Variants in EVPLL observed in about 807,000 individuals in gnomAD.
EVPLL encodes envoplakin like, also known as envoplakin-like protein.
EVPLL carries 39 observed loss-of-function variants against 46.2 expected under a neutral mutation model. That is an observed-to-expected ratio of 0.84 (90% confidence interval 0.65 to 1.10). The LOEUF is 1.10. Among genes scored for constraint, EVPLL ranks in the 50% least tolerant of loss-of-function variants. EVPLL has a pLI of 0.00. For missense variants in EVPLL, 385 were observed against 412.6 expected (o/e 0.93, Z 0.58); for synonymous variants, 156 against 165.8 (o/e 0.94, Z 0.46).
chr17:18,381,202 T>C lies in EVPLL; in HGVS notation c.64-165T>C. ...TTTGCTGGGCTCCCCTGTGTCTTTG[T>C]CACCTGCCTCATGGACGCCCTGGGC... On this transcript the variant is annotated intron_variant, in intron 2 of 10. Transcript: ENST00000399134. This position sits in a 1 kb window ranked among gnomAD's most constrained non-coding sequence, Gnocchi z 4.2. 1 of 1,285,066 alleles carries C rather than the reference T, an allele frequency of 7.8e-7. No individual in the cohort carries two copies. The highest frequency in any genetic ancestry group is 1.1e-6 in the Non-Finnish European group (1 of 949,604). The allele number at this position is 1,285,066 out of a possible 1,614,324, so 79.6% of individuals were successfully genotyped here.
chr17:18,381,568 G>A lies in EVPLL; in HGVS notation c.219-35G>A, dbSNP rs1987575587. On this transcript the variant is annotated intron_variant, in intron 3 of 10. Transcript: ENST00000399134. The surrounding 1 kb of genome is among the most constrained non-coding windows in gnomAD (Gnocchi z 4.2). Reference sequence around the variant, plus strand: ...CTGGGGGTCCCTGGGGAAGACCCAGGCCCAGCCCTGACCTGCTGGCCACCT... The same window carrying A: ...CTGGGGGTCCCTGGGGAAGACCCAGACCCAGCCCTGACCTGCTGGCCACCT... The A allele has an allele frequency of 1.9e-6, 3 of 1,613,812 alleles. No individual in the cohort carries two copies. The East Asian group carries it at 6.7e-5, about 36-fold the overall frequency.
Position 18,389,639 on chromosome 17 carries a change from T to G in EVPLL, c.*823T>G, listed in dbSNP as rs1486049866. On this transcript the variant is annotated 3_prime_UTR_variant, in exon 11 of 11. Transcript: ENST00000399134. The stretch of plus-strand genomic sequence containing the variant: ...AAATGATATGTAAATAAAGCTCAAT[T>G]TTTTGAAACTTCATGCCTTTTTGAA... 1.5e-5 allele frequency: 2 copies of G among 134,332 alleles called. No homozygotes were observed. Among genetic ancestry groups the G allele is most frequent in the Non-Finnish European group, 3.2e-5 (2 of 62,250 alleles). The allele number at this position is 134,332 out of a possible 1,614,324, so 8.3% of individuals were successfully genotyped here. A position where few individuals can be genotyped will look rare whatever the true frequency, so the allele number is the denominator to read the frequency against.
In EVPLL at chr17:18,382,448, A is replaced by G; in HGVS notation, c.347-65A>G. On this transcript the variant is annotated intron_variant, in intron 4 of 10. Transcript: ENST00000399134. ...CCAAGTCCACTTCTCCGGGTGGGAG[A>G]CGTGTGGGGTTCTCTGGCTCTCCAC... is the stretch of plus-strand genomic sequence containing the variant. 3 of 1,540,248 alleles carry G rather than the reference A, an allele frequency of 1.9e-6. No individual in the cohort carries two copies. The South Asian group carries it at 3.6e-5, about 18-fold the overall frequency.
intron 1 of EVPLL, among the ~76,000 whole-genome samples, chr17:18,379,369 G>A (rs1490188044): frequency 2.0e-5 from 3 of 152,244 alleles, no homozygotes; most frequent in Admixed American, 1.3e-4. Context: ...GAGTCTGGGC[G>A]TCTGGGCCGA....
At chr17:18,382,888 A>G (rs1567811477) in intron 6 of EVPLL, 24 bp downstream of exon 6, 1 of 1,611,104 alleles carries the variant, frequency 6.2e-7, no homozygotes, top group Non-Finnish European at 8.5e-7. Flanking sequence ...AGGGTCGGGC[A>G]GGGTGGCTGC....
Position 18,383,481 on chromosome 17 carries a change from G to C in EVPLL, c.781-11G>C, listed in dbSNP as rs1233338023. 1 of 1,565,398 alleles carries C rather than the reference G, an allele frequency of 6.4e-7. No homozygotes were observed. The highest frequency in any genetic ancestry group is 8.7e-7 in the Non-Finnish European group (1 of 1,155,256). On this transcript the variant is annotated splice_polypyrimidine_tract_variant and intron_variant, in intron 8 of 10. Coordinates refer to ENST00000399134, the MANE Select transcript of EVPLL (RefSeq NM_001145127.2). The stretch of plus-strand genomic sequence containing the variant: ...GGGCGTGGTCCGAGGGCTCCGTGCT[G>C]CGGTACCCAGGCCCACCAGGAGGCC...
rs995113635 is a variant in EVPLL, at chr17:18,381,333, G to A, written c.64-34G>A. ...GGGCAGCAGGGGTGTGGGGGCTCTG[G>A]ACCCTGGCAAGTCTGCCCATCCCCT... On this transcript the variant is annotated intron_variant, in intron 2 of 10. Transcript: ENST00000399134. The surrounding 1 kb of genome is among the most constrained non-coding windows in gnomAD (Gnocchi z 4.2). The A allele has an allele frequency of 2.6e-6, 4 of 1,522,910 alleles. No homozygotes were observed. Among genetic ancestry groups the A allele is most frequent in the Non-Finnish European group, 2.7e-6 (3 of 1,130,858 alleles). The allele number at this position is 1,522,910 out of a possible 1,614,324, so 94.3% of individuals were successfully genotyped here.
chr17:18,382,791 T>A (rs2151628907), intron 5 of EVPLL, 35 bp from the exon 6 acceptor site: 2 of 1,607,258 alleles, frequency 1.2e-6, no homozygotes, highest in Non-Finnish European at 1.7e-6. Flanking sequence ...GTGCCCCACC[T>A]CTCACGGGCT....
chr17:18,383,011 G>A lies in EVPLL; in HGVS notation c.512-14G>A, dbSNP rs754067971. 44 of 1,557,666 alleles carry A rather than the reference G, an allele frequency of 2.8e-5. No homozygotes were observed. The highest frequency in any genetic ancestry group is 1.8e-5 in the Non-Finnish European group (21 of 1,156,588). Reference sequence around the variant, plus strand: ...TCTCCCCACCCTGCTGCTGGCGGCGGGTCCTGAGCACAGAGGGCGGCGTCG... The same window carrying A: ...TCTCCCCACCCTGCTGCTGGCGGCGAGTCCTGAGCACAGAGGGCGGCGTCG... On this transcript the variant is annotated splice_polypyrimidine_tract_variant and intron_variant, in intron 6 of 10. Coordinates refer to ENST00000399134, the MANE Select transcript of EVPLL (RefSeq NM_001145127.2).
At chr17:18,385,403 G>C (rs1426688229) in intron 9 of EVPLL, among the ~76,000 whole-genome samples, 1 of 101,804 alleles carries the variant, frequency 9.8e-6, no homozygotes, top group Non-Finnish European at 2.2e-5. Context: ...AAAGTAGCCG[G>C]GTACCCACTG....
intron 9 of EVPLL, among the ~76,000 whole-genome samples, chr17:18,384,687 A>T (rs1442866113): frequency 6.6e-6 from 1 of 152,186 alleles, no homozygotes; most frequent in African/African-American, 2.4e-5. Context: ...AGCTGTGATC[A>T]CTCCACTGCA....
chr17:18,380,663 C>T (rs1308695447), intron 1 of EVPLL: 3 of 414,126 alleles, frequency 7.2e-6, no homozygotes, highest in Non-Finnish European at 1.3e-5. Flanking sequence ...CCGCCTGACA[C>T]CCAGCACCAC....
rs1373673251 is a variant in EVPLL at position 18,381,461 on chromosome 17, T to C, written c.158T>C (p.Phe53Ser). 1 of 1,613,696 alleles carries C rather than the reference T, an allele frequency of 6.2e-7. No homozygotes were observed. Among genetic ancestry groups the C allele is most frequent in the South Asian group, 1.1e-5 (1 of 91,064 alleles). ...GCCGAGGTGCTGCTCAAGGACCTCT[T>C]CCTGGACGTGGACAAGGCCCGGCGG... Reference protein sequence around the residue: ...KEAEVLLKDLFLDVDKARRLK... With the variant: ...KEAEVLLKDLSLDVDKARRLK... Residue 53 changes from phenylalanine (F) to serine (S), a missense_variant, in exon 3 of 11, where the codon TTC becomes TCC. Transcript: ENST00000399134. This position sits in a 1 kb window ranked among gnomAD's most constrained non-coding sequence, Gnocchi z 4.2.
chr17:18,381,850 A>G lies in EVPLL; in HGVS notation c.346+120A>G. 6.7e-7 allele frequency: 1 copy of G among 1,496,266 alleles called. No homozygotes were observed. The highest frequency in any genetic ancestry group is 9.1e-7 in the Non-Finnish European group (1 of 1,099,726). The allele number at this position is 1,496,266 out of a possible 1,614,324, so 92.7% of individuals were successfully genotyped here. ...ATAGTGGTGTCTCAGGGGTCTGGGC[A>G]GGGAGACAGCAGAGGAGACAGTGCA... On this transcript the variant is annotated intron_variant, in intron 4 of 10. Transcript: ENST00000399134. The surrounding 1 kb of genome is among the most constrained non-coding windows in gnomAD (Gnocchi z 4.2).
In EVPLL at chr17:18,382,617, G is replaced by A; in HGVS notation, c.451G>A (p.Ala151Thr). ...AGGAGATCAACGACCAAGGAGAGCAGCTGCGGAGCCTGGTGGGGCCGGTGG... is the reference window on the plus strand; with the variant it reads ...AGGAGATCAACGACCAAGGAGAGCAACTGCGGAGCCTGGTGGGGCCGGTGG... ...AEGDQRPRRAAAEPGGAGCRH... is the reference protein window; with the variant it reads ...AEGDQRPRRATAEPGGAGCRH... The change falls in exon 5 of 11, where the codon GCT becomes ACT. Residue 151 changes from alanine (A) to threonine (T), a missense_variant. Transcript: ENST00000399134. 1.3e-6 allele frequency: 2 copies of A among 1,552,080 alleles called. No individual in the cohort carries two copies. Among genetic ancestry groups the A allele is most frequent in the Non-Finnish European group, 8.7e-7 (1 of 1,147,130 alleles).
At position 18,383,268 on chromosome 17, in the gene EVPLL, C is replaced by T. The variant is rs575186486; in HGVS notation, c.673-3C>T. ...CGCCGCTCCCCACCCGACTCGCCCC[C>T]AGCACTTCAAGCAGCACGAGCTGCT... is the stretch of plus-strand genomic sequence containing the variant. On this transcript the variant is annotated splice_polypyrimidine_tract_variant and splice_region_variant and intron_variant, in intron 7 of 10. Coordinates refer to ENST00000399134, the MANE Select transcript of EVPLL (RefSeq NM_001145127.2). 1.4e-5 allele frequency: 22 copies of T among 1,581,158 alleles called. No homozygotes were observed. The African/African-American group carries it at 1.8e-4, about 13-fold the overall frequency.
At chr17:18,380,816 TG>T in intron 1 of EVPLL, 85 bp from the exon 2 acceptor site, 1 of 1,129,554 alleles carries the variant, frequency 8.9e-7, no homozygotes, top group Non-Finnish European at 1.3e-6. Flanking sequence ...CGGGATGGGG[TG>T]GAGAGAGGGC....
chr17:18,388,213 C>T lies in EVPLL; in HGVS notation c.877-6C>T. ...CACCCATCTTTTGTTTTCTTTCTTT[C>T]CACAGATTCTGTGTCCATCTTCCTC... On this transcript the variant is annotated splice_region_variant and splice_polypyrimidine_tract_variant and intron_variant, in intron 9 of 10. Coordinates refer to ENST00000399134, the MANE Select transcript of EVPLL (RefSeq NM_001145127.2). 7.0e-7 allele frequency: 1 copy of T among 1,431,050 alleles called. No individual in the cohort carries two copies. 88.6% of individuals were successfully genotyped at this position (1,431,050 alleles called of 1,614,324 possible). A position where few individuals can be genotyped will look rare whatever the true frequency, so the allele number is the denominator to read the frequency against.
At chr17:18,378,709 G>A (rs1987463773) in intron 1 of EVPLL, among the ~76,000 whole-genome samples, 1 of 151,756 alleles carries the variant, frequency 6.6e-6, no homozygotes, top group African/African-American at 2.4e-5. Flanking sequence ...TTGAGCCCAG[G>A]AGTTTGAGGC....
Sources: allele counts gnomAD v4.1 joint callset (sites outside exome capture counted in the v4.1 genomes callset), GRCh38; gene constraint gnomAD v4.1.1; non-coding constraint Gnocchi (gnomAD v3.1); transcripts MANE v1.5; gene names NCBI Gene and HGNC (gene_info 2026-07-23, HGNC 2026-07-21).